Variants in ASIC2 observed in about 807,000 individuals in gnomAD.
ASIC2 encodes the protein acid sensing ion channel subunit 2.
ASIC2 carries 25 observed loss-of-function variants against 57.3 expected under a neutral mutation model. The ratio of observed to expected loss-of-function variants is 0.44; its 90% CI spans 0.32 to 0.61. ASIC2 has a LOEUF of 0.61. Ranked by LOEUF, ASIC2 falls within the 20% of genes least tolerant of loss-of-function variation. ASIC2 has a pLI of 0.06. For missense variants in ASIC2, 641 were observed against 738.1 expected (o/e 0.87, Z 1.52); for synonymous variants, 319 against 307.5 (o/e 1.04, Z -0.39).
intron 1 of ASIC2, among the ~76,000 whole-genome samples, chr17:33,775,146 C>G (rs73984607): frequency 2.6e-5 from 4 of 152,172 alleles, no homozygotes; most frequent in African/African-American, 9.7e-5. Context: ...TTCTGAAGAA[C>G]AGGGAGGGTT....
intron 1 of ASIC2, among the ~76,000 whole-genome samples, chr17:33,593,467 A>G (rs1463301042): frequency 1.3e-5 from 2 of 152,164 alleles, no homozygotes; most frequent in Admixed American, 6.5e-5. Context: ...TTCAGGATCT[A>G]TTTAAAAGGT....
chr17:33,980,039 A>G (rs997377415), intron 1 of ASIC2, among the ~76,000 whole-genome samples: 2 of 152,096 alleles, frequency 1.3e-5, no homozygotes, highest in African/African-American at 2.4e-5. Context: ...AGCTGGGGTG[A>G]GCCTTGTAGA....
intron 1 of ASIC2, among the ~76,000 whole-genome samples, chr17:33,709,771 C>G (rs570959161): frequency 3.9e-5 from 6 of 152,206 alleles, no homozygotes; most frequent in African/African-American, 9.6e-5. Flanking sequence ...TATAAAGAAC[C>G]CTTAATATGC....
At chr17:33,332,987 C>T (rs1039932956) in intron 1 of ASIC2, among the ~76,000 whole-genome samples, 1 of 152,170 alleles carries the variant, frequency 6.6e-6, no homozygotes, top group African/African-American at 2.4e-5. Flanking sequence ...ATTTTTCTGG[C>T]CTTCCAGGTG....
At chr17:33,951,782 C>G (rs1281821028) in intron 1 of ASIC2, among the ~76,000 whole-genome samples, 1 of 147,754 alleles carries the variant, frequency 6.8e-6, no homozygotes, top group East Asian at 2.0e-4. Flanking sequence ...TTAGTGGAGA[C>G]AGGGTTTCAT....
rs572870728 is a variant in ASIC2 at position 33,870,570 on chromosome 17, A to G, written c.555+285408T>C. Among the ~76,000 whole-genome samples the G allele has an allele frequency of 5.3e-5, 8 of 152,118 alleles. No homozygotes were observed. In the South Asian group the frequency reaches 1.5e-3, roughly 28 times the overall value. ...GCCACCCCAGTTTTCTAGCTTAAGC[A>G]GGTGAGCAGAGGAAAGTACAATTTT... On this transcript the variant is annotated intron_variant, in intron 1 of 9. Transcript: ENST00000359872.
intron 1 of ASIC2, among the ~76,000 whole-genome samples, chr17:33,846,544 T>C (rs907039951): frequency 6.6e-6 from 1 of 152,130 alleles, no homozygotes; most frequent in Non-Finnish European, 1.5e-5. Context: ...ATTAAAGATG[T>C]GTATGATGCC....
At chr17:33,127,091 G>C (rs1038221962) in intron 1 of ASIC2, among the ~76,000 whole-genome samples, 1 of 151,006 alleles carries the variant, frequency 6.6e-6, no homozygotes, top group Non-Finnish European at 1.5e-5. Flanking sequence ...GGATGGTCTC[G>C]ATCTCCTGAC....
intron 1 of ASIC2, among the ~76,000 whole-genome samples, chr17:33,865,221 A>G (rs1326217053): frequency 6.6e-6 from 1 of 152,186 alleles, no homozygotes; most frequent in Non-Finnish European, 1.5e-5. Context: ...GTGTGTTGAT[A>G]TGGTTCGTCC....
At chr17:33,831,650 T>G (rs8069239) in intron 1 of ASIC2, among the ~76,000 whole-genome samples, 1,785 of 151,834 alleles carry the variant, frequency 0.012, 39 homozygotes, top group African/African-American at 0.04. Context: ...TGATTTGATT[T>G]GGGAACTGTC....
intron 1 of ASIC2, among the ~76,000 whole-genome samples, chr17:33,239,178 C>T (rs964186596): frequency 2.4e-4 from 36 of 152,070 alleles, no homozygotes; most frequent in Admixed American, 7.9e-4. Flanking sequence ...GTAATCCCAG[C>T]TACTCAGGAG....
At chr17:34,135,904 T>G (rs552684112) in intron 1 of ASIC2, among the ~76,000 whole-genome samples, 48 of 152,106 alleles carry the variant, frequency 3.2e-4, no homozygotes, top group Non-Finnish European at 6.6e-4. Flanking sequence ...AATAATGTGG[T>G]CATGTCATTG....
chr17:33,114,336 C>T (rs2092272257), intron 1 of ASIC2, among the ~76,000 whole-genome samples: 1 of 152,226 alleles, frequency 6.6e-6, no homozygotes, highest in Non-Finnish European at 1.5e-5. Flanking sequence ...CTGTAATGAA[C>T]AGATAAGAGC....
At chr17:33,552,579 G>A (rs938667908) in intron 1 of ASIC2, among the ~76,000 whole-genome samples, 32 of 152,204 alleles carry the variant, frequency 2.1e-4, no homozygotes, top group African/African-American at 7.7e-4. Flanking sequence ...TTTGCAAAAG[G>A]AAAGACAATA....
intron 1 of ASIC2, among the ~76,000 whole-genome samples, chr17:33,363,520 C>T (rs1317842163): frequency 1.3e-5 from 2 of 152,354 alleles, no homozygotes; most frequent in East Asian, 3.9e-4. Flanking sequence ...GCAGTGTTTG[C>T]ACAGGAAGGA....
rs554411997 is a variant in ASIC2 at position 33,431,284 on chromosome 17, C to A, written c.556-319217G>T. On this transcript the variant is annotated intron_variant, in intron 1 of 9. Transcript: ENST00000359872. Reference sequence around the variant, plus strand: ...GATGAGAAACTGCAAGGTGTGGAATCAAAGTTGAGTACAATAGGGATGATA... The same window carrying A: ...GATGAGAAACTGCAAGGTGTGGAATAAAAGTTGAGTACAATAGGGATGATA... Among the ~76,000 whole-genome samples the A allele has an allele frequency of 2.3e-3, 347 of 152,216 alleles. 1 individual carries two copies. The highest frequency in any genetic ancestry group is 8.1e-3 in the African/African-American group (336 of 41,536).
chr17:33,071,806 T>C (rs2092070467), intron 3 of ASIC2, among the ~76,000 whole-genome samples: 1 of 152,230 alleles, frequency 6.6e-6, no homozygotes, highest in Non-Finnish European at 1.5e-5. Context: ...AATTATTTCC[T>C]GTTACTGATG....
intron 1 of ASIC2, among the ~76,000 whole-genome samples, chr17:34,007,039 T>C (rs1057382867): frequency 6.6e-6 from 1 of 152,172 alleles, no homozygotes; most frequent in Non-Finnish European, 1.5e-5. Context: ...TGACCATGCC[T>C]CATGGAAGGG....
At chr17:33,983,769 T>C (rs1905710459) in intron 1 of ASIC2, among the ~76,000 whole-genome samples, 2 of 152,152 alleles carry the variant, frequency 1.3e-5, no homozygotes, top group South Asian at 2.1e-4. Context: ...CTAGCAGTCA[T>C]TTGTACAAGT....
Sources: gnomAD v4.1 joint callset for allele counts (sites outside exome capture counted in the v4.1 genomes callset) on GRCh38, gnomAD v4.1.1 for gene constraint, MANE v1.5 for transcripts, NCBI Gene and HGNC (gene_info 2026-07-23, HGNC 2026-07-21) for gene names.